The following ABHD18 variants were observed in gnomAD, a reference collection of about 807,000 sequenced individuals.
ABHD18 encodes the protein abhydrolase domain containing 18.
Under a neutral mutation model 65.9 loss-of-function variants are expected in ABHD18, and 55 were observed. That is an observed-to-expected ratio of 0.84 (90% CI 0.67 to 1.05). The LOEUF (loss-of-function observed/expected upper bound fraction) is 1.05, where lower values mean the gene tolerates loss of function less well. Among genes scored for constraint, ABHD18 ranks in the 50% least tolerant of loss-of-function variants. The pLI is 0.00. For synonymous variants in ABHD18, 181 were observed against 180.2 expected (o/e 1.00, Z -0.04); for missense variants, 533 against 558.5 (o/e 0.95, Z 0.46).
Position 127,989,822 on chromosome 4 carries a change from G to A in ABHD18, c.278+1G>A. 1 of 1,543,186 alleles carries A rather than the reference G, an allele frequency of 6.5e-7. No individual in the cohort carries two copies. Among genetic ancestry groups the A allele is most frequent in the Non-Finnish European group, 8.7e-7 (1 of 1,143,610 alleles). On this transcript the variant is annotated splice_donor_variant, in intron 4 of 12. Transcript: ENST00000645843. LOFTEE classifies it high-confidence loss of function. ...TGCCAATTGAATCTGTTATTGCAAG[G>A]TAAGAATTTTTTTGTTCAAAAAGAT...
chr4:127,975,884 G>A (rs1435864800), intron 1 of ABHD18, among the ~76,000 whole-genome samples: 1 of 152,076 alleles, frequency 6.6e-6, no homozygotes, highest in African/African-American at 2.4e-5. Flanking sequence ...AGAGTGCAGT[G>A]GTACAGTCTC....
chr4:128,011,456 A>C (rs1754547677), intron 6 of ABHD18, among the ~76,000 whole-genome samples: 1 of 149,992 alleles, frequency 6.7e-6, no homozygotes, highest in Non-Finnish European at 1.5e-5. Context: ...CCTATGTGAT[A>C]TATGATTATA....
intron 7 of ABHD18, among the ~76,000 whole-genome samples, chr4:128,016,099 G>A (rs1232569008): frequency 4.6e-5 from 7 of 151,648 alleles, no homozygotes; most frequent in South Asian, 2.1e-4. Flanking sequence ...GATTACAGGC[G>A]CGTGCCACCA....
intron 7 of ABHD18, among the ~76,000 whole-genome samples, chr4:128,013,622 C>T (rs1754957775): frequency 6.6e-6 from 1 of 151,676 alleles, no homozygotes; most frequent in Admixed American, 6.6e-5. Context: ...GGCGTGAACC[C>T]AGGAGGCGGA....
rs74499643 is a variant in ABHD18, at chr4:127,988,967, C to T, written c.178-754C>T. 5.1e-3 allele frequency among the ~76,000 whole-genome samples: 783 copies of T among 152,286 alleles called. 5 individuals carry two copies. Among genetic ancestry groups the T allele is most frequent in the African/African-American group, 0.018 (751 of 41,548 alleles). ...GGAAATCACTGTATCAAAGTGATAT[C>T]GGCACTCCCATATTTATTGTAGCAC... On this transcript the variant is annotated intron_variant, in intron 3 of 12. Coordinates refer to ENST00000645843, the MANE Select transcript of ABHD18 (RefSeq NM_001358451.3).
At chr4:128,034,584 TA>T (rs986311953) in intron 12 of ABHD18, among the ~76,000 whole-genome samples, 11 of 149,128 alleles carry the variant, frequency 7.4e-5, no homozygotes, top group African/African-American at 2.0e-4. Flanking sequence ...ATCTTGTCTC[TA>T]AAAAAAAAGA....
At chr4:128,029,152 G>T (rs1189874425) in intron 11 of ABHD18, among the ~76,000 whole-genome samples, 5 of 150,230 alleles carry the variant, frequency 3.3e-5, no homozygotes, top group South Asian at 2.1e-4. Context: ...AGGAGTTCAA[G>T]ACCAGCCTGG....
chr4:127,992,709 T>G (rs529529986), intron 4 of ABHD18, among the ~76,000 whole-genome samples: 1 of 152,146 alleles, frequency 6.6e-6, no homozygotes, highest in Admixed American at 6.5e-5. Context: ...TGGCTAATTT[T>G]TTTTAGTTTT....
intron 1 of ABHD18, among the ~76,000 whole-genome samples, chr4:127,972,665 C>G (rs1027119771): frequency 6.6e-6 from 1 of 151,178 alleles, no homozygotes; most frequent in South Asian, 2.1e-4. Flanking sequence ...CTTGGCTTCT[C>G]AAAGTGCTGG....
chr4:127,969,710 A>G (rs1746351047), intron 1 of ABHD18, among the ~76,000 whole-genome samples: 1 of 151,662 alleles, frequency 6.6e-6, no homozygotes, highest in Admixed American at 6.6e-5. Context: ...CATGAGCAGT[A>G]TATTACTTTT....
Position 128,027,252 on chromosome 4 carries a change from A to G in ABHD18, c.802-1223A>G, listed in dbSNP as rs140519720. ...ATACCGTCTAGATTTACGTAAATAC[A>G]TTGTGATGTTCACACAACAATGAAA... On this transcript the variant is annotated intron_variant, in intron 10 of 12. Coordinates refer to ENST00000645843, the MANE Select transcript of ABHD18 (RefSeq NM_001358451.3). 3.2e-4 allele frequency among the ~76,000 whole-genome samples: 49 copies of G among 152,312 alleles called. No homozygotes were observed. In the East Asian group the frequency reaches 7.1e-3, roughly 22 times the overall value.
At chr4:127,992,871 A>G (rs188127908) in intron 4 of ABHD18, among the ~76,000 whole-genome samples, 9 of 152,216 alleles carry the variant, frequency 5.9e-5, no homozygotes, top group African/African-American at 2.2e-4. Flanking sequence ...GCTTTATCTT[A>G]TTAATGCTTT....
At chr4:127,984,105 A>G (rs768656105) in intron 2 of ABHD18, among the ~76,000 whole-genome samples, 3 of 151,958 alleles carry the variant, frequency 2.0e-5, no homozygotes, top group Admixed American at 6.6e-5. Flanking sequence ...TGAGTCTTGT[A>G]TGTATTAATT....
Position 128,028,738 on chromosome 4 carries a change from C to G in ABHD18, c.1065C>G (p.Asn355Lys). The G allele has an allele frequency of 6.2e-7, 1 of 1,613,904 alleles. No homozygotes were observed. Among genetic ancestry groups the G allele is most frequent in the Non-Finnish European group, 8.5e-7 (1 of 1,179,862 alleles). Residue 355 changes from asparagine to lysine, a missense_variant, in exon 11 of 13, where the codon AAC (asparagine) becomes AAG (lysine). Physicochemically the swap from Asn to Lys is moderately conservative, Grantham distance 94. Coordinates refer to ENST00000645843, the MANE Select transcript of ABHD18 (RefSeq NM_001358451.3). The stretch of plus-strand genomic sequence containing the variant: ...ACAAAAGTGGTTATACAAGTCGCAA[C>G]CCTCAGTCATACCACCTACTTAGTA... ...STNKSGYTSR[N>K]PQSYHLLSKE...
intron 1 of ABHD18, among the ~76,000 whole-genome samples, chr4:127,978,060 A>T (rs1748305646): frequency 6.6e-6 from 1 of 152,168 alleles, no homozygotes; most frequent in South Asian, 2.1e-4. Context: ...ATTTTATGTC[A>T]TGACATAAAC....
rs2149209409 is a variant in ABHD18, at chr4:128,039,045, A to G, written c.*3232A>G. 1 of 149,936 alleles carries G rather than the reference A, an allele frequency of 6.7e-6. No homozygotes were observed. Among genetic ancestry groups the G allele is most frequent in the African/African-American group, 2.4e-5 (1 of 41,208 alleles). The allele number at this position is 149,936 out of a possible 1,614,324, so 9.3% of individuals were successfully genotyped here. On this transcript the variant is annotated 3_prime_UTR_variant, in exon 13 of 13. Transcript: ENST00000645843. The stretch of plus-strand genomic sequence containing the variant: ...TTCTCAAATACATAAATATACACAT[A>G]TACGTATATGTATACGTTTTATATA...
intron 4 of ABHD18, among the ~76,000 whole-genome samples, chr4:127,993,152 G>T (rs1238408235): frequency 6.6e-6 from 1 of 152,078 alleles, no homozygotes; most frequent in African/African-American, 2.4e-5. Context: ...AGAAGGAAAA[G>T]AAACTTTCAG....
intron 1 of ABHD18, among the ~76,000 whole-genome samples, chr4:127,966,372 ACT>A (rs1745377476): frequency 6.6e-6 from 1 of 151,980 alleles, no homozygotes; most frequent in African/African-American, 2.4e-5. Context: ...ACCCAGAGTC[ACT>A]CTGTGTGGAA....
Position 128,030,502 on chromosome 4 carries a change from A to G in ABHD18, c.1181-8A>G. The G allele has an allele frequency of 2.0e-6, 3 of 1,518,714 alleles. No individual in the cohort carries two copies. Among genetic ancestry groups the G allele is most frequent in the East Asian group, 2.4e-5 (1 of 40,870 alleles). The allele number at this position is 1,518,714 out of a possible 1,614,324, so 94.1% of individuals were successfully genotyped here. On this transcript the variant is annotated splice_region_variant and splice_polypyrimidine_tract_variant and intron_variant, in intron 11 of 12. Coordinates refer to ENST00000645843, the MANE Select transcript of ABHD18 (RefSeq NM_001358451.3). ...TATATGTTGAATTTTTAAAAATCCT[A>G]TACCTAGTCCCAGTTGATCCAAGCC...
Sources: allele counts gnomAD v4.1 joint callset (sites outside exome capture counted in the v4.1 genomes callset), GRCh38; gene constraint gnomAD v4.1.1; transcripts MANE v1.5; gene names NCBI Gene and HGNC (gene_info 2026-07-23, HGNC 2026-07-21).